The following FHIT variants were observed in gnomAD, a reference collection of about 807,000 sequenced individuals.
The protein encoded by FHIT is fragile histidine triad diadenosine triphosphatase.
In FHIT, 19 loss-of-function variants were observed where a neutral mutation model predicts 17.9. The observed-to-expected ratio is 1.06, with a 90% CI of 0.74 to 1.56. The LOEUF is 1.56. FHIT is among the 40% of genes most tolerant of loss of function. The pLI, the probability that FHIT is intolerant of heterozygous loss-of-function variation, is 0.00. For synonymous variants in FHIT, 81 were observed against 69.7 expected (o/e 1.16, Z -0.81); for missense variants, 248 against 189.2 (o/e 1.31, Z -1.82).
chr3:61,185,025 T>C (rs2038463022), intron 2 of FHIT, among the ~76,000 whole-genome samples: 1 of 152,178 alleles, frequency 6.6e-6, no homozygotes, highest in South Asian at 2.1e-4. Flanking sequence ...CATCCAATCT[T>C]CACTTTTGTG....
intron 7 of FHIT, among the ~76,000 whole-genome samples, chr3:59,934,134 G>A (rs747605819): frequency 5.9e-5 from 9 of 152,068 alleles, no homozygotes; most frequent in Non-Finnish European, 1.5e-5. Context: ...TATATGCCAG[G>A]CACCATATGC....
In FHIT at chr3:59,916,952, GAAGACAAAAAGC is replaced by G. The variant is rs1225937236; in HGVS notation, c.348+5382_348+5393del. On this transcript the variant is annotated intron_variant, in intron 8 of 9. Coordinates refer to ENST00000492590, the MANE Select transcript of FHIT (RefSeq NM_002012.4). The stretch of plus-strand genomic sequence containing the variant: ...CAGTGGGAGGACATCAGTAAACCCA[GAAGACAAAAAGC>G]TAATTAACTGTCTCACTGAAACATT... Among the ~76,000 whole-genome samples, 7 of 152,318 alleles carry G rather than the reference GAAGACAAAAAGC, an allele frequency of 4.6e-5. No homozygotes were observed. In the South Asian group the frequency reaches 8.3e-4, roughly 18 times the overall value.
chr3:60,115,711 T>C (rs1704926268), intron 5 of FHIT, among the ~76,000 whole-genome samples: 1 of 152,136 alleles, frequency 6.6e-6, no homozygotes, highest in South Asian at 2.1e-4. Context: ...TACACAAAGG[T>C]GAATACTTGA....
At chr3:61,070,301 G>A (rs9817183) in intron 2 of FHIT, among the ~76,000 whole-genome samples, 14,185 of 152,074 alleles carry the variant, frequency 0.093, 1,966 homozygotes, top group African/African-American at 0.3. Flanking sequence ...GGCAGGCTTC[G>A]GTATGTCAGA....
intron 2 of FHIT, among the ~76,000 whole-genome samples, chr3:61,152,114 A>G (rs887517088): frequency 1.3e-5 from 2 of 152,188 alleles, no homozygotes; most frequent in African/African-American, 4.8e-5. Context: ...AGGGCAGTTA[A>G]TCTGATAGGA....
chr3:60,062,010 T>A (rs1414798959), intron 5 of FHIT, among the ~76,000 whole-genome samples: 1 of 152,124 alleles, frequency 6.6e-6, no homozygotes, highest in Non-Finnish European at 1.5e-5. Context: ...CATGTCAGAG[T>A]ACAGAGACCT....
intron 8 of FHIT, among the ~76,000 whole-genome samples, chr3:59,825,898 TATCCAACC>T (rs1412944530): frequency 6.6e-6 from 1 of 152,206 alleles, no homozygotes; most frequent in African/African-American, 2.4e-5. Context: ...GGCCATTTTA[TATCCAACC>T]ATCCAGCCAT....
At chr3:59,814,045 TACACAC>T (rs144355020) in intron 8 of FHIT, among the ~76,000 whole-genome samples, 20 of 146,772 alleles carry the variant, frequency 1.4e-4, no homozygotes, top group Middle Eastern at 3.2e-3. Context: ...AATTTACACA[TACACAC>T]ACACACACAC....
intron 7 of FHIT, among the ~76,000 whole-genome samples, chr3:59,953,214 C>T (rs186325037): frequency 5.6e-4 from 85 of 151,948 alleles, no homozygotes; most frequent in African/African-American, 2.0e-3. Flanking sequence ...CTGTCCCTGT[C>T]TCTACGTGTG....
At chr3:60,833,765 T>C (rs1371867083) in intron 3 of FHIT, among the ~76,000 whole-genome samples, 1 of 152,210 alleles carries the variant, frequency 6.6e-6, no homozygotes, top group African/African-American at 2.4e-5. Flanking sequence ...GATCCTCTTG[T>C]TGCTCTTTAA....
chr3:59,991,382 G>C (rs888378758), intron 7 of FHIT, among the ~76,000 whole-genome samples: 1 of 152,060 alleles, frequency 6.6e-6, no homozygotes, highest in Admixed American at 6.6e-5. Context: ...TGTTTGACTT[G>C]TTTTGGCCTG....
intron 2 of FHIT, among the ~76,000 whole-genome samples, chr3:61,197,090 T>A (rs977114587): frequency 3.9e-5 from 6 of 152,210 alleles, no homozygotes; most frequent in Non-Finnish European, 8.8e-5. Flanking sequence ...TGTTGTTTAA[T>A]CTGTCTCTTT....
At chr3:60,615,935 T>A (rs1380560285) in intron 4 of FHIT, among the ~76,000 whole-genome samples, 1 of 152,188 alleles carries the variant, frequency 6.6e-6, no homozygotes, top group Non-Finnish European at 1.5e-5. Context: ...AAGAAACTGT[T>A]CTTTGGAAGT....
chr3:60,355,959 A>G (rs1699637582), intron 5 of FHIT, among the ~76,000 whole-genome samples: 1 of 152,094 alleles, frequency 6.6e-6, no homozygotes, highest in South Asian at 2.1e-4. Flanking sequence ...CAACACCCAA[A>G]CTCAAGAAGC....
chr3:60,098,403 C>A (rs1330431049), intron 5 of FHIT, among the ~76,000 whole-genome samples: 2 of 150,818 alleles, frequency 1.3e-5, no homozygotes, highest in Non-Finnish European at 3.0e-5. Context: ...TTAATGATTG[C>A]CATTCTAACT....
intron 4 of FHIT, among the ~76,000 whole-genome samples, chr3:60,760,791 A>G (rs1249988284): frequency 6.6e-6 from 1 of 152,172 alleles, no homozygotes; most frequent in Non-Finnish European, 1.5e-5. Context: ...ACCATAAGAG[A>G]TCTTCATTCT....
At chr3:60,569,871 A>T (rs1178950936) in intron 4 of FHIT, among the ~76,000 whole-genome samples, 2 of 150,348 alleles carry the variant, frequency 1.3e-5, no homozygotes, top group African/African-American at 4.9e-5. Context: ...CCTGCCTCAT[A>T]TATAGCTGCT....
intron 4 of FHIT, among the ~76,000 whole-genome samples, chr3:60,542,721 G>A (rs764893983): frequency 1.2e-4 from 18 of 151,768 alleles, no homozygotes; most frequent in Middle Eastern, 3.2e-3. Flanking sequence ...TTTCTCTATC[G>A]TTCCCTCCAT....
chr3:59,828,030 C>A (rs957236311), intron 8 of FHIT, among the ~76,000 whole-genome samples: 1 of 152,120 alleles, frequency 6.6e-6, no homozygotes, highest in African/African-American at 2.4e-5. Flanking sequence ...ATATAAGAAC[C>A]CTTTTTGATC....
Sources: allele counts gnomAD v4.1 joint callset (sites outside exome capture counted in the v4.1 genomes callset), GRCh38; gene constraint gnomAD v4.1.1; transcripts MANE v1.5; gene names NCBI Gene and HGNC (gene_info 2026-07-23, HGNC 2026-07-21).